GFPT2: variants seen among roughly 807,000 people sequenced by gnomAD.
GFPT2 encodes the protein glutamine--fructose-6-phosphate aminotransferase [isomerizing] 2.
GFPT2 carries 62 observed loss-of-function variants against 85.6 expected under a neutral mutation model. The ratio of observed to expected loss-of-function variants is 0.72; its 90% confidence interval spans 0.59 to 0.90. GFPT2 has a LOEUF of 0.90. Among genes scored for constraint, GFPT2 ranks in the 40% least tolerant of loss-of-function variants. The pLI, the probability that GFPT2 is intolerant of heterozygous loss-of-function variation, is 0.00. For synonymous variants in GFPT2, 368 were observed against 344.5 expected (o/e 1.07, Z -0.75); for missense variants, 788 against 893.4 (o/e 0.88, Z 1.50).
Position 180,303,928 on chromosome 5 carries a change from G to C in GFPT2, c.1842+844C>G, listed in dbSNP as rs114987035. ...GCCCTGCTAGAAAGGCCAGCCACAT[G>C]ATTAGAAGGTTGGGGCTTTGAGACA... is the stretch of plus-strand genomic sequence containing the variant. On this transcript the variant is annotated intron_variant, in intron 17 of 18. Coordinates refer to ENST00000253778, the MANE Select transcript of GFPT2 (RefSeq NM_005110.4). Among the ~76,000 whole-genome samples, 372 of 152,288 alleles carry C rather than the reference G, an allele frequency of 2.4e-3. 1 individual carries two copies. Among genetic ancestry groups the C allele is most frequent in the Admixed American group, 3.4e-3 (52 of 15,314 alleles).
intron 10 of GFPT2, among the ~76,000 whole-genome samples, 164 bp from the exon 11 acceptor site, chr5:180,317,222 G>C (rs1326793099): frequency 6.6e-6 from 1 of 152,296 alleles, no homozygotes; most frequent in East Asian, 1.9e-4. Context: ...AGCAGGTCAG[G>C]AACCAGGACT....
At chr5:180,344,790 C>G (rs985031567) in intron 1 of GFPT2, among the ~76,000 whole-genome samples, 1 of 152,098 alleles carries the variant, frequency 6.6e-6, no homozygotes, top group African/African-American at 2.4e-5. Context: ...TGCCCCTCGA[C>G]AAGAGGGGCC....
At chr5:180,331,744 A>G (rs1239093555) in intron 4 of GFPT2, 191 bp from the exon 5 acceptor site, 2 of 616,012 alleles carry the variant, frequency 3.2e-6, no homozygotes, top group Non-Finnish European at 5.9e-6. Flanking sequence ...GATTAGCACC[A>G]GGGATGTCTA....
rs889318797 is a variant in GFPT2 at position 180,318,634 on chromosome 5, C to T, written c.958+159G>A. 44 of 636,582 alleles carry T rather than the reference C, an allele frequency of 6.9e-5. No homozygotes were observed. The highest frequency in any genetic ancestry group is 1.1e-4 in the Non-Finnish European group (39 of 364,400). 39.4% of individuals were successfully genotyped at this position (636,582 alleles called of 1,614,324 possible). On this transcript the variant is annotated intron_variant, in intron 10 of 18. Coordinates refer to ENST00000253778, the MANE Select transcript of GFPT2 (RefSeq NM_005110.4). The surrounding 1 kb of genome is among the most constrained non-coding windows in gnomAD (Gnocchi z 4.2). Reference sequence around the variant, plus strand: ...GTGCCAGGCCAGCCTCCCCACATCCCCTCACCTGTGCAAGCCACAGGCTAC... The same window carrying T: ...GTGCCAGGCCAGCCTCCCCACATCCTCTCACCTGTGCAAGCCACAGGCTAC...
chr5:180,337,520 A>G (rs924431277), intron 2 of GFPT2, among the ~76,000 whole-genome samples: 13 of 152,142 alleles, frequency 8.5e-5, no homozygotes, highest in African/African-American at 3.1e-4. Context: ...AGAAGAATAT[A>G]AAATTACAAA....
At position 180,323,466 on chromosome 5, in the gene GFPT2, A is replaced by G. The variant is rs1764159485; in HGVS notation, c.794+722T>C. Among the ~76,000 whole-genome samples, 1 of 152,204 alleles carries G rather than the reference A, an allele frequency of 6.6e-6. No homozygotes were observed. The highest frequency in any genetic ancestry group is 6.5e-5 in the Admixed American group (1 of 15,286). ...GGCCCAAGCCTTTGGGTCTTTGAAG[A>G]AGGTACCAGAGGTGATTACAGCAGT... On this transcript the variant is annotated intron_variant, in intron 9 of 18. Coordinates refer to ENST00000253778, the MANE Select transcript of GFPT2 (RefSeq NM_005110.4). The surrounding 1 kb of genome is among the most constrained non-coding windows in gnomAD (Gnocchi z 4.0).
At chr5:180,343,652 T>C (rs1271371448) in intron 1 of GFPT2, among the ~76,000 whole-genome samples, 4 of 152,264 alleles carry the variant, frequency 2.6e-5, no homozygotes, top group Non-Finnish European at 4.4e-5. Context: ...GTGAATAAAA[T>C]AGCGTTCACG....
intron 15 of GFPT2, among the ~76,000 whole-genome samples, 171 bp from the exon 16 acceptor site, chr5:180,307,474 T>C (rs1763804580): frequency 6.6e-6 from 1 of 152,256 alleles, no homozygotes; most frequent in Non-Finnish European, 1.5e-5. Flanking sequence ...CTTGGGCTCC[T>C]GGCCAGGATT....
In GFPT2 at chr5:180,318,952, T is replaced by C; in HGVS notation, c.799A>G (p.Ile267Val). The C allele has an allele frequency of 6.2e-7, 1 of 1,612,358 alleles. No individual in the cohort carries two copies. Among genetic ancestry groups the C allele is most frequent in the South Asian group, 1.1e-5 (1 of 91,080 alleles). ...EFFFASDASA[I>V]IEHTNRVIFL... is the part of the protein sequence containing the mutation. ...ATGACCCGGTTGGTGTGCTCTATGA[T>C]AGCGCTGGGGCAAGGGAAACAGGCA... Residue 267 changes from isoleucine (I) to valine (V), a missense_variant, in exon 10 of 19, where the codon ATC becomes GTC. Ile to Val is a conservative substitution (Grantham distance 29). Transcript: ENST00000253778. The surrounding 1 kb of genome is among the most constrained non-coding windows in gnomAD (Gnocchi z 4.2).
At chr5:180,303,451 C>A (rs953217307) in intron 17 of GFPT2, among the ~76,000 whole-genome samples, 2 of 152,062 alleles carry the variant, frequency 1.3e-5, no homozygotes, top group Admixed American at 6.5e-5. Context: ...CGGGCGCGGG[C>A]GCAATGAGAG....
In GFPT2 at chr5:180,304,888, G is replaced by A. The variant is rs1339325162; in HGVS notation, c.1726C>T (p.Leu576=). 6.2e-7 allele frequency: 1 copy of A among 1,613,238 alleles called. No individual in the cohort carries two copies. The highest frequency in any genetic ancestry group is 1.7e-5 in the Admixed American group (1 of 60,014). Residue 576 remains leucine (L), a synonymous_variant, in exon 17 of 19, where the codon CTG becomes TTG. Coordinates refer to ENST00000253778, the MANE Select transcript of GFPT2 (RefSeq NM_005110.4). The part of the protein sequence containing the change: ...MHSEGILAGE[L]KHGPLALIDK... ...ATCAGTGCCAGGGGCCCGTGCTTCA[G>A]CTCCCCAGCCAGGATGCCTTCTGAG...
intron 9 of GFPT2, among the ~76,000 whole-genome samples, chr5:180,321,761 G>GGTTTTGTTTT (rs10610483): frequency 1.9e-4 from 28 of 150,654 alleles, no homozygotes; most frequent in African/African-American, 6.4e-4. Flanking sequence ...TAATATGGAG[G>GGTTTTGTTTT]GTTTTGTTTT....
Position 180,328,280 on chromosome 5 carries a change from G to A in GFPT2, c.593C>T (p.Thr198Ile). The A allele has an allele frequency of 1.2e-6, 2 of 1,608,386 alleles. No individual in the cohort carries two copies. Among genetic ancestry groups the A allele is most frequent in the South Asian group, 2.2e-5 (2 of 90,980 alleles). ...ATGCCAGTGTGTTTTGCCTCACCGT[G>A]TGGCAACGGCTTCTCCTGGGTAGTG... ...SVHYPGEAVA[T>I]RRGSPLLIGV... The change falls in exon 7 of 19, where the codon ACA becomes ATA. Residue 198 changes from threonine (T) to isoleucine (I), a missense_variant. Thr to Ile is a moderately conservative substitution (Grantham distance 89). Transcript: ENST00000253778. The surrounding 1 kb of genome is among the most constrained non-coding windows in gnomAD (Gnocchi z 5.4).
In GFPT2 at chr5:180,302,478, C is replaced by T. The variant is rs1763695372; in HGVS notation, c.1949G>A (p.Ser650Asn). Residue 650 changes from serine (S) to asparagine (N), a missense_variant, in exon 18 of 19, where the codon AGC becomes AAC. Physicochemically the swap from Ser to Asn is conservative, Grantham distance 46. Transcript: ENST00000253778. ...GGACAGCAGCTGCAGCGGAATCACG[C>T]TCAGGATGCCCTGGAGGCAGTCCAC... ...HTVDCLQGIL[S>N]VIPLQLLSFH... is the part of the protein sequence containing the mutation. 2 of 1,614,148 alleles carry T rather than the reference C, an allele frequency of 1.2e-6. No homozygotes were observed. Among genetic ancestry groups the T allele is most frequent in the African/African-American group, 1.3e-5 (1 of 75,044 alleles).
intron 13 of GFPT2, among the ~76,000 whole-genome samples, chr5:180,315,541 C>A (rs937110205): frequency 6.6e-6 from 1 of 152,154 alleles, no homozygotes; most frequent in Non-Finnish European, 1.5e-5. Flanking sequence ...GGATGAATAT[C>A]ATGATGCCCG....
At chr5:180,335,360 C>G (rs10043913) in intron 4 of GFPT2, among the ~76,000 whole-genome samples, 93,383 of 152,108 alleles carry the variant, frequency 0.61, 29,378 homozygotes, top group African/African-American at 0.74. Flanking sequence ...TCTGGTGGCA[C>G]CAATCAAGAC....
At position 180,301,753 on chromosome 5, in the gene GFPT2, T is replaced by C. The variant is rs1763677384; in HGVS notation, c.2005-145A>G. ...TAGAGACCTGCGTCTTGGAGGCAGA[T>C]TCCTTAGTCCAGAAGCCTCATTTAA... is the stretch of plus-strand genomic sequence containing the variant. On this transcript the variant is annotated intron_variant, in intron 18 of 18. Coordinates refer to ENST00000253778, the MANE Select transcript of GFPT2 (RefSeq NM_005110.4). The C allele has an allele frequency of 2.0e-5, 14 of 694,454 alleles. No homozygotes were observed. The Admixed American group carries it at 2.8e-4, about 14-fold the overall frequency. The allele number at this position is 694,454 out of a possible 1,614,324, so 43.0% of individuals were successfully genotyped here. A position where few individuals can be genotyped will look rare whatever the true frequency, so the allele number is the denominator to read the frequency against.
chr5:180,334,761 C>T, intron 4 of GFPT2, among the ~76,000 whole-genome samples: 1 of 152,152 alleles, frequency 6.6e-6, no homozygotes, highest in Non-Finnish European at 1.5e-5. Context: ...GGGGGACCCC[C>T]TGGAAGGCCC....
At position 180,328,783 on chromosome 5, in the gene GFPT2, C is replaced by CT. The variant is rs1764256203; in HGVS notation, c.535-446dup. On this transcript the variant is annotated intron_variant, in intron 6 of 18. Coordinates refer to ENST00000253778, the MANE Select transcript of GFPT2 (RefSeq NM_005110.4). This position sits in a 1 kb window ranked among gnomAD's most constrained non-coding sequence, Gnocchi z 5.4. ...GCTCCACCCCTGCACTGGGCTCTCC[C>CT]TTTAGCCTTCTTGGCGCCTCGTTCT... Among the ~76,000 whole-genome samples the CT allele has an allele frequency of 6.6e-6, 1 of 152,218 alleles. No homozygotes were observed.
Sources: allele counts gnomAD v4.1 joint callset (sites outside exome capture counted in the v4.1 genomes callset), GRCh38; gene constraint gnomAD v4.1.1; non-coding constraint Gnocchi (gnomAD v3.1); transcripts MANE v1.5; gene names NCBI Gene and HGNC (gene_info 2026-07-23, HGNC 2026-07-21).